BID: variants seen among roughly 807,000 people sequenced by gnomAD.
BID encodes the protein BH3 interacting domain death agonist, also known as BH3-interacting domain death agonist.
In BID, 19 loss-of-function variants were observed where a neutral mutation model predicts 17.4. That is an observed-to-expected ratio of 1.09 (90% CI 0.76 to 1.60). The LOEUF (loss-of-function observed/expected upper bound fraction) is 1.60. Among genes scored for constraint, BID ranks in the 40% most tolerant of loss-of-function variants. BID has a pLI of 0.00. For synonymous variants in BID, 108 were observed against 102.8 expected (o/e 1.05, Z -0.31); for missense variants, 226 against 256.0 (o/e 0.88, Z 0.80).
intron 1 of BID, among the ~76,000 whole-genome samples, chr22:17,764,730 T>C (rs1388810659): frequency 6.6e-6 from 1 of 152,202 alleles, no homozygotes; most frequent in Non-Finnish European, 1.5e-5. Flanking sequence ...CCAGCTGTCC[T>C]GGGATCGGTT....
chr22:17,760,730 C>A (rs565674708), intron 1 of BID, among the ~76,000 whole-genome samples: 2 of 152,088 alleles, frequency 1.3e-5, no homozygotes, highest in African/African-American at 2.4e-5. Context: ...AATGTCCATG[C>A]AGAAGCCTGG....
Position 17,735,320 on chromosome 22 carries a change from G to C in BID, c.*260C>G, listed in dbSNP as rs2061411794. ...TAAAGGCACCGTGTGTAGATTTACA[G>C]ATGTGCAGATTCATGTGTGGATGAT... On this transcript the variant is annotated 3_prime_UTR_variant, in exon 6 of 6. Coordinates refer to ENST00000622694, the MANE Select transcript of BID (RefSeq NM_001196.4). 2.1e-6 allele frequency: 1 copy of C among 478,616 alleles called. No homozygotes were observed. Among genetic ancestry groups the C allele is most frequent in the African/African-American group, 2.0e-5 (1 of 50,300 alleles). 29.6% of individuals were successfully genotyped at this position (478,616 alleles called of 1,614,324 possible).
At chr22:17,757,792 T>C (rs1341197305) in intron 1 of BID, among the ~76,000 whole-genome samples, 1 of 150,928 alleles carries the variant, frequency 6.6e-6, no homozygotes, top group Non-Finnish European at 1.5e-5. Flanking sequence ...CACCCAAAGG[T>C]GAGGCGAGGG....
At chr22:17,753,265 C>A (rs548286228) in intron 1 of BID, among the ~76,000 whole-genome samples, 39 of 152,284 alleles carry the variant, frequency 2.6e-4, no homozygotes, top group Admixed American at 4.6e-4. Flanking sequence ...CGCGCCCAGC[C>A]CCCCAATGGG....
At chr22:17,746,511 A>G (rs995149901) in intron 2 of BID, among the ~76,000 whole-genome samples, 12 of 152,342 alleles carry the variant, frequency 7.9e-5, no homozygotes, top group Non-Finnish European at 8.8e-5. Context: ...GATGTGCTTC[A>G]TTCCTGCCTC....
chr22:17,759,991 G>A (rs377538835), intron 1 of BID, among the ~76,000 whole-genome samples: 135 of 151,772 alleles, frequency 8.9e-4, no homozygotes, highest in East Asian at 2.7e-3. Context: ...AAAATTAGCC[G>A]GGCGTGGTGG....
intron 1 of BID, among the ~76,000 whole-genome samples, chr22:17,768,407 C>T (rs2061693738): frequency 6.6e-6 from 1 of 152,214 alleles, no homozygotes; most frequent in Non-Finnish European, 1.5e-5. Flanking sequence ...TGCTCCAGGT[C>T]TTTGTGACCC....
rs1326672662 is a variant in BID at position 17,740,022 on chromosome 22, C to G, written c.224-534G>C. ...CTGCCTTTCCAACCAGAGCTCTCCC[C>G]CTTGCCCCTCAGTCCTCCTCCTCTG... is the stretch of plus-strand genomic sequence containing the variant. On this transcript the variant is annotated intron_variant, in intron 3 of 5. Transcript: ENST00000622694. 3 of 1,542,146 alleles carry G rather than the reference C, an allele frequency of 1.9e-6. No homozygotes were observed. In the South Asian group the frequency reaches 3.5e-5, roughly 18 times the overall value.
rs773375777 is a variant in BID at position 17,750,124 on chromosome 22, G to GCA, written c.-10_-9dup. ...TCTGACCTCACAGTCCATGGCCTGG[G>GCA]CAGCGCGGCAGCTCCGACTCACTCC... On this transcript the variant is annotated 5_prime_UTR_variant, in exon 2 of 6. Coordinates refer to ENST00000622694, the MANE Select transcript of BID (RefSeq NM_001196.4). 6.2e-7 allele frequency: 1 copy of GCA among 1,613,310 alleles called. No homozygotes were observed. Among genetic ancestry groups the GCA allele is most frequent in the South Asian group, 1.1e-5 (1 of 91,004 alleles).
intron 1 of BID, among the ~76,000 whole-genome samples, chr22:17,758,245 C>T (rs1167580118): frequency 3.3e-5 from 5 of 152,188 alleles, no homozygotes; most frequent in Non-Finnish European, 7.3e-5. Context: ...CCCAGGAGGC[C>T]GAGACCTCGC....
chr22:17,773,922 A>C lies in BID; in HGVS notation c.-59+459T>G. The C allele has an allele frequency of 1.7e-6, 1 of 585,942 alleles. No individual in the cohort carries two copies. Among genetic ancestry groups the C allele is most frequent in the South Asian group, 2.0e-5 (1 of 50,272 alleles). 36.3% of individuals were successfully genotyped at this position (585,942 alleles called of 1,614,324 possible). ...TGAGCTCCGCTCGGGAGGAGCCGGC[A>C]GGTGTCTGCGGTGCTGGAAAGACCA... On this transcript the variant is annotated intron_variant, in intron 1 of 5. Transcript: ENST00000622694. This position sits in a 1 kb window ranked among gnomAD's most constrained non-coding sequence, Gnocchi z 4.4.
In BID at chr22:17,744,011, G is replaced by C. The variant is rs1229047143; in HGVS notation, c.15C>G (p.Val5=). The part of the protein sequence containing the change: MDCE[V]NNGSSLRDEC... The stretch of plus-strand genomic sequence containing the variant: ...CATCCCTGAGGCTGGAACCGTTGTT[G>C]ACCTGAGGGGAAAGGGGAGTCAGGA... The change falls in exon 3 of 6, where the codon GTC becomes GTG. Residue 5 remains valine, a splice_region_variant and synonymous_variant. Transcript: ENST00000622694. The C allele has an allele frequency of 6.2e-7, 1 of 1,612,854 alleles. No homozygotes were observed. Among genetic ancestry groups the C allele is most frequent in the Non-Finnish European group, 8.5e-7 (1 of 1,179,304 alleles).
In BID at chr22:17,761,481, G is replaced by C. The variant is rs922059034; in HGVS notation, c.-58-11307C>G. Reference sequence around the variant, plus strand: ...AAGTCTCGCTCTGTCGCCCAGGCTGGAGTGCAGTGGCGTGATCTTGGCTCA... The same window carrying C: ...AAGTCTCGCTCTGTCGCCCAGGCTGCAGTGCAGTGGCGTGATCTTGGCTCA... On this transcript the variant is annotated intron_variant, in intron 1 of 5. Transcript: ENST00000622694. 5.0e-4 allele frequency among the ~76,000 whole-genome samples: 74 copies of C among 147,892 alleles called. 1 individual carries two copies. The highest frequency in any genetic ancestry group is 1.3e-4 in the Non-Finnish European group (9 of 67,546).
At chr22:17,736,099 G>A (rs1397884088) in intron 5 of BID, among the ~76,000 whole-genome samples, 1 of 152,172 alleles carries the variant, frequency 6.6e-6, no homozygotes, top group Non-Finnish European at 1.5e-5. Context: ...TGAGTTCTCA[G>A]TAGAGGATTA....
At chr22:17,754,118 G>A (rs1174479264) in intron 1 of BID, among the ~76,000 whole-genome samples, 1 of 151,876 alleles carries the variant, frequency 6.6e-6, no homozygotes. Flanking sequence ...CCAGATGGGG[G>A]TGACATTCCC....
intron 1 of BID, among the ~76,000 whole-genome samples, chr22:17,765,240 C>T (rs115201122): frequency 0.011 from 1,676 of 152,248 alleles, 28 homozygotes; most frequent in African/African-American, 0.038. Context: ...ACTTACAATG[C>T]CTCACAACAA....
chr22:17,767,122 G>A (rs1433398052), intron 1 of BID, among the ~76,000 whole-genome samples: 2 of 151,566 alleles, frequency 1.3e-5, no homozygotes, highest in Non-Finnish European at 2.9e-5. Context: ...TACTTGGGAG[G>A]CTGAGGCAGG....
intron 1 of BID, among the ~76,000 whole-genome samples, chr22:17,768,934 C>G (rs1601883305): frequency 6.7e-6 from 1 of 148,238 alleles, no homozygotes; most frequent in African/African-American, 2.5e-5. Context: ...CCCAGCTACT[C>G]AGGAGGCTGA....
chr22:17,739,003 C>T (rs117965119), intron 4 of BID, among the ~76,000 whole-genome samples: 65 of 152,264 alleles, frequency 4.3e-4, no homozygotes, highest in Non-Finnish European at 8.2e-4. Flanking sequence ...CAGCAGGCAC[C>T]ACTCCCAGGG....
Sources: gnomAD v4.1 joint callset for allele counts (sites outside exome capture counted in the v4.1 genomes callset) on GRCh38, gnomAD v4.1.1 for gene constraint, Gnocchi (gnomAD v3.1) non-coding constraint, MANE v1.5 for transcripts, NCBI Gene and HGNC (gene_info 2026-07-23, HGNC 2026-07-21) for gene names.